Variants in UBR4 observed in about 807,000 individuals in gnomAD.
UBR4 encodes ubiquitin protein ligase E3 component n-recognin 4, also known as E3 ubiquitin-protein ligase UBR4.
UBR4 carries 124 observed loss-of-function variants against 575.6 expected under a neutral mutation model. The observed-to-expected ratio is 0.22, with a 90% CI of 0.19 to 0.25. The LOEUF is 0.25. Among genes scored for constraint, UBR4 ranks in the 10% least tolerant of loss-of-function variants. The probability of loss-of-function intolerance (pLI) is 1.00; values close to 1 mark genes in which losing one functional copy is unlikely to be tolerated. For missense variants in UBR4, 4,818 were observed against 6,478.8 expected (o/e 0.74, Z 8.80); for synonymous variants, 2,455 against 2,473.7 (o/e 0.99, Z 0.22).
chr1:19,140,938 A>G, intron 57 of UBR4, 46 bp from the exon 58 acceptor site: 1 of 1,552,750 alleles, frequency 6.4e-7, no homozygotes, highest in Non-Finnish European at 8.7e-7. Flanking sequence ...TCCAGGTCCC[A>G]TCCACAGCGC....
chr1:19,094,826 G>C, intron 94 of UBR4, 80 bp downstream of exon 94: 3 of 1,564,284 alleles, frequency 1.9e-6, no homozygotes, highest in Non-Finnish European at 2.6e-6. Flanking sequence ...GGCTAAGCCA[G>C]ACACAAACAG....
intron 26 of UBR4, among the ~76,000 whole-genome samples, chr1:19,170,141 T>G (rs751695731): frequency 7.9e-5 from 12 of 152,224 alleles, no homozygotes; most frequent in Non-Finnish European, 1.6e-4. Context: ...CAAAGAGATT[T>G]TTCCAGGCAC....
At position 19,087,902 on chromosome 1, in the gene UBR4, T is replaced by C. The variant is rs1240366653; in HGVS notation, c.14458A>G (p.Lys4820Glu). Reference sequence around the variant, plus strand: ...TCCATCTGCTTCAGGAGTGCTGTCTTGGTCACGACCTGGCCCTTTTCATTT... The same window carrying C: ...TCCATCTGCTTCAGGAGTGCTGTCTCGGTCACGACCTGGCCCTTTTCATTT... ...TTNEKGQVVT[K>E]TALLKQMEEL... Residue 4820 changes from lysine to glutamate, a missense_variant, in exon 99 of 106, where the codon AAG (lysine) becomes GAG (glutamate). This residue lies in a region of UBR4 where 196 missense variants were observed against 386.8 expected (regional missense o/e 0.51). Transcript: ENST00000375254. 2 of 1,608,782 alleles carry C rather than the reference T, an allele frequency of 1.2e-6. No homozygotes were observed. Among genetic ancestry groups the C allele is most frequent in the African/African-American group, 2.7e-5 (2 of 74,838 alleles).
intron 20 of UBR4, among the ~76,000 whole-genome samples, chr1:19,175,888 A>C (rs539870773): frequency 1.3e-5 from 2 of 151,794 alleles, no homozygotes; most frequent in African/African-American, 4.8e-5. Context: ...CAACCTCCCA[A>C]GCTCAAACGA....
rs1254748067 is a variant in UBR4 at position 19,176,571 on chromosome 1, AT to A, written c.2773+20del. The stretch of plus-strand genomic sequence containing the variant: ...ATGAGAATCAGTAAGTCAGTTTCTT[AT>A]TAACAGTCTTCTTTCTGACCTGATG... On this transcript the variant is annotated intron_variant, in intron 20 of 105. Coordinates refer to ENST00000375254, the MANE Select transcript of UBR4 (RefSeq NM_020765.3). The A allele has an allele frequency of 5.6e-6, 9 of 1,610,398 alleles. No individual in the cohort carries two copies. Among genetic ancestry groups the A allele is most frequent in the South Asian group, 1.1e-5 (1 of 90,934 alleles).
intron 52 of UBR4, 55 bp from the exon 53 acceptor site, chr1:19,145,988 T>C: frequency 1.2e-6 from 2 of 1,612,868 alleles, no homozygotes; most frequent in Non-Finnish European, 1.7e-6. Flanking sequence ...GGAATTTAAT[T>C]TGTTTTAAGG....
At chr1:19,084,424 T>C in intron 102 of UBR4, 80 bp downstream of exon 102, 1 of 1,443,788 alleles carries the variant, frequency 6.9e-7, no homozygotes, top group Non-Finnish European at 9.4e-7. Flanking sequence ...TGAGAGGCTA[T>C]GAAAAAGCTG....
intron 11 of UBR4, among the ~76,000 whole-genome samples, chr1:19,190,191 G>T (rs2091935099): frequency 6.7e-6 from 1 of 149,878 alleles, no homozygotes. Context: ...CTACCTGGTG[G>T]CTGAGGCACA....
At chr1:19,143,255 GAAGGAAGAAAGAAAGAAAGAAAGA>G (rs1471040191) in intron 55 of UBR4, among the ~76,000 whole-genome samples, 1,244 of 101,912 alleles carry the variant, frequency 0.012, 11 homozygotes, top group East Asian at 0.03. Context: ...AGGAAGGAAG[GAAGGAAGAAAGAAAGAAAGAAAGA>G]AAGAAAGAAA....
chr1:19,090,288 T>C (rs1190597754), intron 97 of UBR4, among the ~76,000 whole-genome samples: 1 of 152,226 alleles, frequency 6.6e-6, no homozygotes, highest in Non-Finnish European at 1.5e-5. Flanking sequence ...TCAATTACGA[T>C]AAAAGCCTGT....
intron 53 of UBR4, 110 bp from the exon 54 acceptor site, chr1:19,145,017 C>G: frequency 2.3e-6 from 3 of 1,281,386 alleles, no homozygotes; most frequent in Non-Finnish European, 3.3e-6. Context: ...GTCATGCAAA[C>G]AAAATGACAA....
chr1:19,085,744 C>G (rs919367452), intron 101 of UBR4, among the ~76,000 whole-genome samples: 4 of 152,128 alleles, frequency 2.6e-5, no homozygotes, highest in African/African-American at 9.7e-5. Flanking sequence ...AGCCCAACAT[C>G]CCCCCTGCCA....
intron 32 of UBR4, 132 bp from the exon 33 acceptor site, chr1:19,164,573 A>G (rs1557862416): frequency 8.5e-7 from 1 of 1,178,616 alleles, no homozygotes. Flanking sequence ...TTGGGCTAGT[A>G]GAGCATAAAA....
intron 70 of UBR4, 36 bp downstream of exon 70, chr1:19,119,521 G>A: frequency 6.3e-7 from 1 of 1,593,982 alleles, no homozygotes. Context: ...GTTAAATATG[G>A]CAAGTTGGCC....
chr1:19,097,093 A>C (rs1170935834), intron 91 of UBR4, 100 bp downstream of exon 91: 2 of 897,708 alleles, frequency 2.2e-6, no homozygotes, highest in Non-Finnish European at 3.2e-6. Flanking sequence ...TCTGATGCAG[A>C]GGTACAAGAG....
intron 44 of UBR4, among the ~76,000 whole-genome samples, 162 bp downstream of exon 44, chr1:19,154,756 G>A (rs921851570): frequency 3.3e-5 from 5 of 152,152 alleles, no homozygotes; most frequent in African/African-American, 7.2e-5. Context: ...TGCCAAACCC[G>A]GATGTTCCTT....
At position 19,154,902 on chromosome 1, in the gene UBR4, A is replaced by G; in HGVS notation, c.6458+16T>C. On this transcript the variant is annotated intron_variant, in intron 44 of 105. Coordinates refer to ENST00000375254, the MANE Select transcript of UBR4 (RefSeq NM_020765.3). The stretch of plus-strand genomic sequence containing the variant: ...GTGGACATTGCGGAAGTTGAACATT[A>G]AATGTTCATTCCCACCTTTTGATGT... 1 of 1,613,920 alleles carries G rather than the reference A, an allele frequency of 6.2e-7. No individual in the cohort carries two copies. Among genetic ancestry groups the G allele is most frequent in the Non-Finnish European group, 8.5e-7 (1 of 1,179,762 alleles).
intron 26 of UBR4, 88 bp downstream of exon 26, chr1:19,170,674 G>A: frequency 3.2e-6 from 5 of 1,568,482 alleles, no homozygotes; most frequent in East Asian, 2.3e-5. Flanking sequence ...AATAGTAAAC[G>A]CCAGTAGGCA....
chr1:19,106,990 G>A (rs1410321615), intron 81 of UBR4, 24 bp from the exon 82 acceptor site: 4 of 1,610,670 alleles, frequency 2.5e-6, no homozygotes, highest in Non-Finnish European at 3.4e-6. Context: ...GTGGAGCAAG[G>A]TGAGGGCGCT....
Sources: gnomAD v4.1 joint callset for allele counts (sites outside exome capture counted in the v4.1 genomes callset) on GRCh38, gnomAD v4.1.1 for gene constraint, gnomAD v4.1.1 regional missense constraint, MANE v1.5 for transcripts, NCBI Gene and HGNC (gene_info 2026-07-23, HGNC 2026-07-21) for gene names.